FN1: variants seen among roughly 807,000 people sequenced by gnomAD.
FN1 encodes the protein fibronectin.
Under a neutral mutation model 297.3 loss-of-function variants are expected in FN1, and 106 were observed. That is an observed-to-expected ratio of 0.36 (90% CI 0.30 to 0.42). FN1 has a LOEUF of 0.42. Ranked by LOEUF, FN1 falls within the 10% of genes least tolerant of loss-of-function variation. The probability of loss-of-function intolerance (pLI) is 1.00; values close to 1 mark genes in which losing one functional copy is unlikely to be tolerated. For synonymous variants in FN1, 1,149 were observed against 1,152.6 expected, an observed-to-expected ratio of 1.00 and a Z score of 0.06; for missense variants, 2,690 against 3,124.9, an observed-to-expected ratio of 0.86 and a Z score of 3.32.
intron 39 of FN1, 64 bp from the exon 40 acceptor site, chr2:215,372,439 G>A: frequency 8.6e-7 from 1 of 1,160,360 alleles, no homozygotes; most frequent in Admixed American, 1.7e-5. Flanking sequence ...TAGCAGCAAT[G>A]ATAATAATCG....
chr2:215,411,861 G>A (rs1352940460), intron 13 of FN1, among the ~76,000 whole-genome samples: 3 of 151,914 alleles, frequency 2.0e-5, no homozygotes, highest in Non-Finnish European at 4.4e-5. Context: ...TAGAGACGGG[G>A]TTTCACCATG....
intron 30 of FN1, among the ~76,000 whole-genome samples, chr2:215,383,804 C>T (rs371735532): frequency 5.0e-4 from 76 of 152,280 alleles, no homozygotes; most frequent in African/African-American, 1.7e-3. Context: ...TGCAGACATG[C>T]GGAATATATC....
At chr2:215,422,000 G>T in intron 10 of FN1, 91 bp downstream of exon 10, 2 of 1,211,572 alleles carry the variant, frequency 1.7e-6, no homozygotes, top group Non-Finnish European at 2.4e-6. Context: ...TTCTTCCCCT[G>T]CTTTTGGCAT....
intron 2 of FN1, among the ~76,000 whole-genome samples, chr2:215,433,700 C>G (rs1443486009): frequency 1.3e-5 from 2 of 152,194 alleles, no homozygotes; most frequent in Admixed American, 6.5e-5. Flanking sequence ...AAATCTCAGG[C>G]TCTTAGGAAA....
intron 35 of FN1, among the ~76,000 whole-genome samples, chr2:215,377,972 T>C (rs1396794150): frequency 6.6e-6 from 1 of 152,112 alleles, no homozygotes; most frequent in African/African-American, 2.4e-5. Flanking sequence ...TTATTTATTT[T>C]ATTTATTTTA....
intron 20 of FN1, among the ~76,000 whole-genome samples, chr2:215,402,104 T>C (rs976391087): frequency 6.6e-6 from 1 of 152,222 alleles, no homozygotes; most frequent in African/African-American, 2.4e-5. Flanking sequence ...AGTCAGTTTC[T>C]TTCACTGAAC....
At chr2:215,392,808 A>C in intron 25 of FN1, 123 bp downstream of exon 25, 1 of 1,077,604 alleles carries the variant, frequency 9.3e-7, no homozygotes, top group Non-Finnish European at 1.4e-6. Flanking sequence ...CCCCCAATCC[A>C]CCCTATCTGA....
chr2:215,412,809 T>C (rs2062869643), intron 13 of FN1, among the ~76,000 whole-genome samples: 1 of 138,726 alleles, frequency 7.2e-6, no homozygotes, highest in South Asian at 2.4e-4. Context: ...GTACCATCTC[T>C]CAATTCTCTA....
chr2:215,404,043 T>C (rs2061453142), intron 20 of FN1, among the ~76,000 whole-genome samples: 1 of 152,228 alleles, frequency 6.6e-6, no homozygotes, highest in Admixed American at 6.5e-5. Context: ...TTTAAACCCA[T>C]GTTACTCAAA....
Position 215,427,884 on chromosome 2 carries a change from T to G in FN1, c.844+296A>C, listed in dbSNP as rs1316652869. Among the ~76,000 whole-genome samples, 5 of 152,166 alleles carry G rather than the reference T, an allele frequency of 3.3e-5. No individual in the cohort carries two copies. The East Asian group carries it at 9.6e-4, about 29-fold the overall frequency. ...TGTGTGTGCGTGTGTGCGTGATCTA[T>G]CCATGGTAAGTTTTATGATGCTAGC... is the stretch of plus-strand genomic sequence containing the variant. On this transcript the variant is annotated intron_variant, in intron 6 of 45. Transcript: ENST00000354785.
intron 13 of FN1, among the ~76,000 whole-genome samples, chr2:215,411,835 T>A (rs1441131717): frequency 6.6e-6 from 1 of 151,764 alleles, no homozygotes; most frequent in Non-Finnish European, 1.5e-5. Flanking sequence ...CCCAGCTAAT[T>A]TTTTTGTATT....
At chr2:215,409,501 C>T (rs2106297037) in intron 15 of FN1, 62 bp downstream of exon 15, 11 of 1,533,686 alleles carry the variant, frequency 7.2e-6, no homozygotes, top group South Asian at 1.1e-5. Context: ...GCCACCCACC[C>T]CCACAAGGAG....
intron 9 of FN1, 104 bp from the exon 10 acceptor site, chr2:215,422,347 A>C: frequency 6.6e-5 from 75 of 1,138,802 alleles, no homozygotes; most frequent in Non-Finnish European, 9.3e-5. Flanking sequence ...AAGAATTCTC[A>C]CTTGGGAAGA....
chr2:215,364,623 C>CAA, intron 44 of FN1: 2 of 561,896 alleles, frequency 3.6e-6, no homozygotes, highest in Non-Finnish European at 6.4e-6. Flanking sequence ...AAGAATGACT[C>CAA]AAGACTTGTG....
chr2:215,433,546 T>C, intron 2 of FN1, 85 bp from the exon 3 acceptor site: 5 of 1,339,422 alleles, frequency 3.7e-6, no homozygotes, highest in Non-Finnish European at 4.2e-6. Flanking sequence ...GAAAACCCAC[T>C]TCTCTATTCC....
chr2:215,383,995 G>A lies in FN1; in HGVS notation c.4894+25C>T, dbSNP rs1237602456. Reference sequence around the variant, plus strand: ...AGTATCTGAATAAGTAAAAGCTGGTGTCACCCCAGAGTAGAAGTTTGTACC... The same window carrying A: ...AGTATCTGAATAAGTAAAAGCTGGTATCACCCCAGAGTAGAAGTTTGTACC... On this transcript the variant is annotated intron_variant, in intron 30 of 45. Transcript: ENST00000354785. 4 of 1,612,174 alleles carry A rather than the reference G, an allele frequency of 2.5e-6. No individual in the cohort carries two copies. In the African/African-American group the frequency reaches 5.3e-5, roughly 22 times the overall value.
chr2:215,434,667 TACTA>T (rs765294407), intron 2 of FN1, 25 bp downstream of exon 2: 5 of 1,613,912 alleles, frequency 3.1e-6, no homozygotes, highest in Non-Finnish European at 4.2e-6. Flanking sequence ...TATTAAAAGA[TACTA>T]ACTATGGGGC....
intron 20 of FN1, among the ~76,000 whole-genome samples, chr2:215,400,183 G>A (rs112110098): frequency 2.0e-5 from 3 of 149,770 alleles, no homozygotes; most frequent in African/African-American, 4.9e-5. Context: ...ATGAGACTCC[G>A]TCTCAAAAAA....
rs771622288 is a variant in FN1 at position 215,434,742 on chromosome 2, A to G, written c.231T>C (p.Thr77=). ...RTYLGNALVC[T]CYGGSRGFNC... Reference sequence around the variant, plus strand: ...TAAAACCTCGGCTTCCTCCATAACAAGTACAAACCAACGCATTGCCTAGGT... The same window carrying G: ...TAAAACCTCGGCTTCCTCCATAACAGGTACAAACCAACGCATTGCCTAGGT... The change falls in exon 2 of 46, where the codon ACT becomes ACC. Residue 77 remains threonine (T), a synonymous_variant. Transcript: ENST00000354785. 1 of 1,614,160 alleles carries G rather than the reference A, an allele frequency of 6.2e-7. No individual in the cohort carries two copies. Among genetic ancestry groups the G allele is most frequent in the Admixed American group, 1.7e-5 (1 of 60,020 alleles).
Sources: gnomAD v4.1 joint callset for allele counts (sites outside exome capture counted in the v4.1 genomes callset) on GRCh38, gnomAD v4.1.1 for gene constraint, MANE v1.5 for transcripts, NCBI Gene and HGNC (gene_info 2026-07-23, HGNC 2026-07-21) for gene names.